Variants in SH3GL3 observed in about 807,000 individuals in gnomAD.
SH3GL3 encodes the protein endophilin-A3.
In SH3GL3, 33 loss-of-function variants were observed where a neutral mutation model predicts 47.7. The ratio of observed to expected loss-of-function variants is 0.69; its 90% confidence interval spans 0.52 to 0.92. The LOEUF (loss-of-function observed/expected upper bound fraction) is 0.92. Among genes scored for constraint, SH3GL3 ranks in the 40% least tolerant of loss-of-function variants. The pLI, the probability that SH3GL3 is intolerant of heterozygous loss-of-function variation, is 0.00. For missense variants in SH3GL3, 363 were observed against 417.8 expected, an observed-to-expected ratio of 0.87 and a Z score of 1.14; for synonymous variants, 155 against 148.8, an observed-to-expected ratio of 1.04 and a Z score of -0.30.
chr15:83,491,196 T>A (rs1218398056), intron 1 of SH3GL3, among the ~76,000 whole-genome samples: 1 of 152,204 alleles, frequency 6.6e-6, no homozygotes, highest in East Asian at 1.9e-4. Context: ...AAGTGTCTCT[T>A]GCATGAGTGA....
intron 1 of SH3GL3, among the ~76,000 whole-genome samples, chr15:83,513,103 G>A (rs534125828): frequency 2.4e-4 from 36 of 152,216 alleles, no homozygotes; most frequent in Middle Eastern, 3.4e-3. Flanking sequence ...GTATTTTTCC[G>A]CTGTGTGTAT....
chr15:83,584,540 A>AT (rs2059911025), intron 6 of SH3GL3, among the ~76,000 whole-genome samples: 1 of 152,118 alleles, frequency 6.6e-6, no homozygotes, highest in Non-Finnish European at 1.5e-5. Flanking sequence ...CACTTCACAC[A>AT]TTTGTCAACC....
At chr15:83,531,312 A>C (rs192565116) in intron 1 of SH3GL3, among the ~76,000 whole-genome samples, 23 of 152,234 alleles carry the variant, frequency 1.5e-4, no homozygotes, top group African/African-American at 5.5e-4. Flanking sequence ...TAAGCTTTTA[A>C]TGTATTCAGG....
At chr15:83,508,609 C>G (rs1293072507) in intron 1 of SH3GL3, among the ~76,000 whole-genome samples, 2 of 151,464 alleles carry the variant, frequency 1.3e-5, no homozygotes, top group African/African-American at 2.4e-5. Context: ...GATGGAGTCT[C>G]GCTCTGTTGC....
chr15:83,587,299 T>G (rs189687447), intron 7 of SH3GL3, among the ~76,000 whole-genome samples: 1 of 152,334 alleles, frequency 6.6e-6, no homozygotes, highest in Admixed American at 6.5e-5. Context: ...AAAAGGGACC[T>G]GGCAGCTTTT....
chr15:83,607,024 A>G (rs1328131390), intron 8 of SH3GL3, among the ~76,000 whole-genome samples: 2 of 152,178 alleles, frequency 1.3e-5, no homozygotes, highest in Non-Finnish European at 2.9e-5. Context: ...AATTTGAAGG[A>G]AGATTTAGAG....
In SH3GL3 at chr15:83,490,638, C is replaced by T. The variant is rs80019157; in HGVS notation, c.45+43060C>T. 1.8e-3 allele frequency: 1,389 copies of T among 781,284 alleles called. 14 individuals are homozygous for T. In the African/African-American group the frequency reaches 0.021, roughly 12 times the overall value. The allele number at this position is 781,284 out of a possible 1,614,324, so 48.4% of individuals were successfully genotyped here. ...TAGTTCAGCCTGGCACAGTATATGA[C>T]GGTGGTCACTGGCTTTCTATCTGGG... On this transcript the variant is annotated intron_variant, in intron 1 of 8. Transcript: ENST00000427482.
the SH3GL3 span, among the ~76,000 whole-genome samples, chr15:83,624,823 T>C: frequency 2.0e-5 from 3 of 152,182 alleles, no homozygotes; most frequent in African/African-American, 7.2e-5. Flanking sequence ...ACAGTTGTTC[T>C]AACTTCTGGG....
intron 1 of SH3GL3, among the ~76,000 whole-genome samples, chr15:83,470,037 A>T (rs2040759834): frequency 6.6e-6 from 1 of 151,812 alleles, no homozygotes; most frequent in Non-Finnish European, 1.5e-5. Context: ...TGGTGCACTC[A>T]CTCTTTTACT....
chr15:83,471,432 TA>T (rs1272041415), intron 1 of SH3GL3, among the ~76,000 whole-genome samples: 2 of 152,186 alleles, frequency 1.3e-5, no homozygotes, highest in Non-Finnish European at 2.9e-5. Flanking sequence ...GTAAACAAAT[TA>T]AAAGCTAACT....
chr15:83,500,778 C>A (rs2042262192), intron 1 of SH3GL3, among the ~76,000 whole-genome samples: 1 of 152,184 alleles, frequency 6.6e-6, no homozygotes, highest in Non-Finnish European at 1.5e-5. Context: ...TGCCTAGTGG[C>A]CTGGAGTGTT....
the SH3GL3 span, among the ~76,000 whole-genome samples, chr15:83,633,345 T>G: frequency 1.1e-3 from 172 of 152,354 alleles, no homozygotes; most frequent in Non-Finnish European, 2.0e-3. Context: ...TTTCTTCTTT[T>G]CTCTTTCCTC....
chr15:83,483,913 C>T (rs563381221), intron 1 of SH3GL3, among the ~76,000 whole-genome samples: 1 of 152,316 alleles, frequency 6.6e-6, no homozygotes, highest in South Asian at 2.1e-4. Flanking sequence ...TAAAGCTGAT[C>T]TAGATACTTC....
At chr15:83,551,653 C>T (rs1403229862) in intron 1 of SH3GL3, among the ~76,000 whole-genome samples, 2 of 152,166 alleles carry the variant, frequency 1.3e-5, no homozygotes, top group Non-Finnish European at 2.9e-5. Context: ...TAAAAGTCTC[C>T]ATTGTCCCCA....
chr15:83,599,982 A>C (rs1048732572), intron 8 of SH3GL3, among the ~76,000 whole-genome samples: 1 of 151,874 alleles, frequency 6.6e-6, no homozygotes, highest in African/African-American at 2.4e-5. Context: ...GGCCATTTGT[A>C]TATCTTCTTT....
At chr15:83,598,421 T>C (rs1426074585) in intron 8 of SH3GL3, among the ~76,000 whole-genome samples, 1 of 152,246 alleles carries the variant, frequency 6.6e-6, no homozygotes, top group Non-Finnish European at 1.5e-5. Flanking sequence ...GTATTCCTCA[T>C]AATTTCTGGT....
chr15:83,570,358 C>A (rs2045756336), intron 4 of SH3GL3, among the ~76,000 whole-genome samples: 1 of 151,996 alleles, frequency 6.6e-6, no homozygotes, highest in Non-Finnish European at 1.5e-5. Flanking sequence ...TGATCTGTAT[C>A]CTGTTTTGAT....
At chr15:83,587,377 C>T (rs1246576649) in intron 7 of SH3GL3, among the ~76,000 whole-genome samples, 5 of 151,998 alleles carry the variant, frequency 3.3e-5, no homozygotes, top group African/African-American at 1.2e-4. Flanking sequence ...CCAAGTTGCT[C>T]TCCCACCTGG....
chr15:83,581,195 G>C lies in SH3GL3; in HGVS notation c.624+4454G>C, dbSNP rs943956306. ...TGATGTGAGGAGAACCCTGACTGGA[G>C]TTAACAGACTTGGTCTTTCCTGGGT... On this transcript the variant is annotated intron_variant, in intron 6 of 8. Coordinates refer to ENST00000427482, the MANE Select transcript of SH3GL3 (RefSeq NM_003027.5). 2.6e-5 allele frequency among the ~76,000 whole-genome samples: 4 copies of C among 152,250 alleles called. No homozygotes were observed. In the East Asian group the frequency reaches 7.7e-4, roughly 29 times the overall value.
Sources: allele counts gnomAD v4.1 joint callset (sites outside exome capture counted in the v4.1 genomes callset), GRCh38; gene constraint gnomAD v4.1.1; transcripts MANE v1.5; gene names NCBI Gene and HGNC (gene_info 2026-07-23, HGNC 2026-07-21).